DDI2: variants seen among roughly 807,000 people sequenced by gnomAD.
DDI2 encodes the protein protein DDI1 homolog 2.
In DDI2, 5 loss-of-function variants were observed where a neutral mutation model predicts 48.1. That is an observed-to-expected ratio of 0.10 (90% CI 0.05 to 0.22). The LOEUF (loss-of-function observed/expected upper bound fraction) is 0.22, where lower values mean the gene tolerates loss of function less well. Among genes scored for constraint, DDI2 ranks in the 10% least tolerant of loss-of-function variants. DDI2 has a pLI of 1.00. For missense variants in DDI2, 285 were observed against 506.2 expected, an observed-to-expected ratio of 0.56 and a Z score of 4.19; for synonymous variants, 205 against 183.6, an observed-to-expected ratio of 1.12 and a Z score of -0.94.
Position 15,662,864 on chromosome 1 carries a change from CCTTTT to C in DDI2, c.*3079_*3083del, listed in dbSNP as rs1200137804. ...AAGTGGCCTTGGTAGAGTTTTCCAT[CCTTTT>C]CTTTCCTCAGGAGTTTCTTTTTTAA... is the stretch of plus-strand genomic sequence containing the variant. On this transcript the variant is annotated 3_prime_UTR_variant, in exon 10 of 10. Transcript: ENST00000480945. The C allele has an allele frequency of 6.6e-6, 1 of 152,162 alleles. No homozygotes were observed. The highest frequency in any genetic ancestry group is 2.4e-5 in the African/African-American group (1 of 41,432). The allele number at this position is 152,162 out of a possible 1,614,324, so 9.4% of individuals were successfully genotyped here. A position where few individuals can be genotyped will look rare whatever the true frequency, so the allele number is the denominator to read the frequency against.
chr1:15,655,038 T>C (rs1462690716), intron 8 of DDI2, among the ~76,000 whole-genome samples: 5 of 152,114 alleles, frequency 3.3e-5, no homozygotes, highest in Admixed American at 3.3e-4. Flanking sequence ...ATAACAGTTA[T>C]CCTTTTTTGG....
Position 15,661,708 on chromosome 1 carries a change from G to A in DDI2, c.*1918G>A, listed in dbSNP as rs773446093. On this transcript the variant is annotated 3_prime_UTR_variant, in exon 10 of 10. Coordinates refer to ENST00000480945, the MANE Select transcript of DDI2 (RefSeq NM_032341.5). ...TCTTGTTTTGCTCGCAAAAAACATCGTAGTTCCTACATGACTGTGGGAAAG... is the reference window on the plus strand; with the variant it reads ...TCTTGTTTTGCTCGCAAAAAACATCATAGTTCCTACATGACTGTGGGAAAG... 32 of 1,610,246 alleles carry A rather than the reference G, an allele frequency of 2.0e-5. 1 individual carries two copies. The highest frequency in any genetic ancestry group is 3.3e-4 in the Middle Eastern group (2 of 6,070).
At chr1:15,633,405 T>G (rs1639877988) in intron 3 of DDI2, 34 bp from the exon 4 acceptor site, 2 of 1,605,662 alleles carry the variant, frequency 1.2e-6, no homozygotes, top group Non-Finnish European at 8.5e-7. Flanking sequence ...GAAAATATAG[T>G]GATATTTAAG....
chr1:15,638,918 G>A (rs1639966973), intron 5 of DDI2, among the ~76,000 whole-genome samples: 1 of 152,056 alleles, frequency 6.6e-6, no homozygotes, highest in African/African-American at 2.4e-5. Context: ...ATTTTGTGGT[G>A]TCTCCTTTTT....
chr1:15,627,023 G>A (rs535757713), intron 2 of DDI2: 29 of 556,864 alleles, frequency 5.2e-5, no homozygotes, highest in African/African-American at 3.2e-4. Context: ...TAAAGCTGAC[G>A]TGAGGCTAAT....
chr1:15,621,198 T>A (rs192762922), intron 1 of DDI2, among the ~76,000 whole-genome samples: 73 of 152,280 alleles, frequency 4.8e-4, no homozygotes, highest in Non-Finnish European at 8.7e-4. Context: ...CAAACAGTTA[T>A]CAGAACTTAG....
chr1:15,665,681 C>T lies in DDI2; in HGVS notation c.*5891C>T, dbSNP rs538328797. On this transcript the variant is annotated 3_prime_UTR_variant, in exon 10 of 10. Transcript: ENST00000480945. ...AGCAAGCAATTTTTATATCTACAGA[C>T]GTACTCTTCACTTATGGTGGCTTTT... 27 of 152,206 alleles carry T rather than the reference C, an allele frequency of 1.8e-4. No homozygotes were observed. The highest frequency in any genetic ancestry group is 5.8e-4 in the African/African-American group (24 of 41,512). The allele number at this position is 152,206 out of a possible 1,614,324, so 9.4% of individuals were successfully genotyped here. A position where few individuals can be genotyped will look rare whatever the true frequency, so the allele number is the denominator to read the frequency against.
At chr1:15,646,548 G>A (rs1340156777) in intron 6 of DDI2, among the ~76,000 whole-genome samples, 11 of 152,090 alleles carry the variant, frequency 7.2e-5, no homozygotes, top group Non-Finnish European at 1.3e-4. Context: ...TTAGCCGGGC[G>A]TGGTGGCGGG....
intron 6 of DDI2, 42 bp downstream of exon 6, chr1:15,643,692 A>G (rs532308003): frequency 1.2e-6 from 2 of 1,606,926 alleles, no homozygotes; most frequent in East Asian, 2.2e-5. Context: ...TCTGTAGGCT[A>G]TTTGTAGGTA....
In DDI2 at chr1:15,617,647, G is replaced by A. The variant is rs764730178; in HGVS notation, c.-24G>A. On this transcript the variant is annotated 5_prime_UTR_variant, in exon 1 of 10. Coordinates refer to ENST00000480945, the MANE Select transcript of DDI2 (RefSeq NM_032341.5). The stretch of plus-strand genomic sequence containing the variant: ...CCGCGCCCAGGCCGGGCCGAGCCGA[G>A]CCGAGCCGGGTCGGGCCCGGGCCAT... 2.0e-5 allele frequency: 28 copies of A among 1,399,138 alleles called. No individual in the cohort carries two copies. The South Asian group carries it at 4.5e-4, about 23-fold the overall frequency. 86.7% of individuals were successfully genotyped at this position (1,399,138 alleles called of 1,614,324 possible).
chr1:15,622,178 A>T, intron 1 of DDI2, among the ~76,000 whole-genome samples: 1 of 145,714 alleles, frequency 6.9e-6, no homozygotes, highest in African/African-American at 2.5e-5. Context: ...GGGTCAAGGG[A>T]TCCTCCCAAG....
chr1:15,626,710 A>T lies in DDI2; in HGVS notation c.180A>T (p.Ser60=), dbSNP rs1639760137. 3.7e-6 allele frequency: 6 copies of T among 1,614,154 alleles called. No individual in the cohort carries two copies. Among genetic ancestry groups the T allele is most frequent in the South Asian group, 1.1e-5 (1 of 91,076 alleles). The change falls in exon 2 of 10, where the codon TCA becomes TCT. Residue 60 remains serine, a synonymous_variant. Coordinates refer to ENST00000480945, the MANE Select transcript of DDI2 (RefSeq NM_032341.5). ...GACCTCTCACAGACAACCACAGATC[A>T]TTGGCTTCTTATGGCTTGAAAGATG... ...AERPLTDNHR[S]LASYGLKDGD...
Position 15,667,599 on chromosome 1 carries a change from G to A in DDI2, c.*7809G>A, listed in dbSNP as rs553903421. On this transcript the variant is annotated 3_prime_UTR_variant, in exon 10 of 10. Coordinates refer to ENST00000480945, the MANE Select transcript of DDI2 (RefSeq NM_032341.5). Reference sequence around the variant, plus strand: ...ATCTAGAGCAGAACATGTAATCAGCGATGGCTGGGATTGGTGGACAGGATT... The same window carrying A: ...ATCTAGAGCAGAACATGTAATCAGCAATGGCTGGGATTGGTGGACAGGATT... 2 of 152,374 alleles carry A rather than the reference G, an allele frequency of 1.3e-5. No individual in the cohort carries two copies. The highest frequency in any genetic ancestry group is 2.1e-4 in the South Asian group (1 of 4,828). The allele number at this position is 152,374 out of a possible 1,614,324, so 9.4% of individuals were successfully genotyped here. A position where few individuals can be genotyped will look rare whatever the true frequency, so the allele number is the denominator to read the frequency against.
intron 4 of DDI2, among the ~76,000 whole-genome samples, chr1:15,636,778 A>G (rs72647126): frequency 0.2 from 30,458 of 152,240 alleles, 3,175 homozygotes; most frequent in Middle Eastern, 0.26. Flanking sequence ...CTTTCTATAA[A>G]TGGGCAGATA....
chr1:15,659,959 C>G lies in DDI2; in HGVS notation c.*169C>G, dbSNP rs141224991. On this transcript the variant is annotated 3_prime_UTR_variant, in exon 10 of 10. Coordinates refer to ENST00000480945, the MANE Select transcript of DDI2 (RefSeq NM_032341.5). ...TGTTGGTAATCCTATGAGTCTTGCT[C>G]GCTCTGTCTCTGCTTCAGTCTGCCC... The G allele has an allele frequency of 1.2e-6, 2 of 1,614,046 alleles. No individual in the cohort carries two copies. The highest frequency in any genetic ancestry group is 1.7e-6 in the Non-Finnish European group (2 of 1,180,044).
intron 9 of DDI2, chr1:15,656,900 A>G (rs755673299): frequency 3.4e-4 from 171 of 509,990 alleles, no homozygotes; most frequent in Middle Eastern, 1.1e-3. Flanking sequence ...ACCATCCAAC[A>G]GGGAGAAAAT....
At chr1:15,628,818 C>T (rs1205013379) in intron 2 of DDI2, among the ~76,000 whole-genome samples, 3 of 152,086 alleles carry the variant, frequency 2.0e-5, no homozygotes. Flanking sequence ...ATTTTCATTA[C>T]CTTAAAAAGA....
intron 9 of DDI2, among the ~76,000 whole-genome samples, chr1:15,657,570 G>T (rs1295755297): frequency 6.6e-6 from 1 of 152,158 alleles, no homozygotes; most frequent in African/African-American, 2.4e-5. Flanking sequence ...GCTACAAGAG[G>T]ACTATATGCT....
intron 1 of DDI2, among the ~76,000 whole-genome samples, chr1:15,622,466 T>C (rs987143901): frequency 2.6e-5 from 4 of 152,218 alleles, no homozygotes; most frequent in Admixed American, 1.3e-4. Flanking sequence ...TAAATGTTGA[T>C]TAAGATTATA....
Sources: allele counts gnomAD v4.1 joint callset (sites outside exome capture counted in the v4.1 genomes callset), GRCh38; gene constraint gnomAD v4.1.1; transcripts MANE v1.5; gene names NCBI Gene and HGNC (gene_info 2026-07-23, HGNC 2026-07-21).